Variants in WNT5A observed in about 807,000 individuals in gnomAD.
WNT5A encodes Wnt family member 5A.
A neutral mutation model predicts 42.1 loss-of-function variants in WNT5A; 9 were observed. The observed-to-expected ratio is 0.21, with a 90% CI of 0.13 to 0.37. The LOEUF (loss-of-function observed/expected upper bound fraction) is 0.37. WNT5A is among the 10% of genes least tolerant of loss of function. WNT5A has a pLI of 1.00. For synonymous variants in WNT5A, 210 were observed against 210.0 expected (o/e 1.00, Z 0.00); for missense variants, 426 against 534.0 (o/e 0.80, Z 1.99).
At chr3:55,494,836 C>T (rs2051699073), upstream of WNT5A, among the ~76,000 whole-genome samples, 2 of 152,160 alleles carry the variant, frequency 1.3e-5, no homozygotes, top group East Asian at 1.9e-4. Flanking sequence ...GGCACCAGAC[C>T]GCCATTACTT....
In WNT5A at chr3:55,483,783, C is replaced by T. The variant is rs2051514897; in HGVS notation, c.7-2865G>A. On this transcript the variant is annotated intron_variant, in intron 1 of 4. Coordinates refer to ENST00000264634, the MANE Select transcript of WNT5A (RefSeq NM_003392.7). This position sits in a 1 kb window ranked among gnomAD's most constrained non-coding sequence, Gnocchi z 4.2. ...TATGTATCCCTCAAAGCCTTCGCGT[C>T]GGATTAAAGGTGTTCTTGATCCTTC... Among the ~76,000 whole-genome samples the T allele has an allele frequency of 6.6e-6, 1 of 152,124 alleles. No individual in the cohort carries two copies. The highest frequency in any genetic ancestry group is 6.5e-5 in the Admixed American group (1 of 15,278).
At chr3:55,485,749 A>T (rs1387521006) in intron 1 of WNT5A, among the ~76,000 whole-genome samples, 1 of 152,080 alleles carries the variant, frequency 6.6e-6, no homozygotes, top group Non-Finnish European at 1.5e-5. Flanking sequence ...ATTTAAAGAG[A>T]GAAGAGAGAA....
chr3:55,494,700 G>A (rs1460605564), upstream of WNT5A, among the ~76,000 whole-genome samples: 1 of 152,112 alleles, frequency 6.6e-6, no homozygotes, highest in Non-Finnish European at 1.5e-5. Flanking sequence ...CACCACGCCT[G>A]GCTAATTTTT....
rs772529559 is a variant in WNT5A, at chr3:55,479,570, A to AG, written c.141-7dup. ...GGTTATTCATACCTAGCGACCTGCA[A>AG]GGGGGGGAGATGTGCATTCAAGATT... On this transcript the variant is annotated splice_region_variant and splice_polypyrimidine_tract_variant and intron_variant, in intron 2 of 4. Coordinates refer to ENST00000264634, the MANE Select transcript of WNT5A (RefSeq NM_003392.7). 7.6e-6 allele frequency: 12 copies of AG among 1,574,870 alleles called. No homozygotes were observed. Among genetic ancestry groups the AG allele is most frequent in the South Asian group, 4.7e-5 (4 of 85,148 alleles).
At chr3:55,490,031 T>A (rs2051641821), upstream of WNT5A, 1 of 152,268 alleles carries the variant, frequency 6.6e-6, no homozygotes, top group Non-Finnish European at 1.5e-5. Context: ...GGGACCCACC[T>A]TACGTGCAGC....
At chr3:55,477,143 G>GCACA (rs372924729) in intron 3 of WNT5A, among the ~76,000 whole-genome samples, 14 of 151,550 alleles carry the variant, frequency 9.2e-5, no homozygotes, top group Non-Finnish European at 2.1e-4. Context: ...TTTGGGGTGG[G>GCACA]CACACACACA....
chr3:55,475,885 C>A (rs186511769), intron 3 of WNT5A, among the ~76,000 whole-genome samples: 23 of 152,116 alleles, frequency 1.5e-4, no homozygotes, highest in African/African-American at 4.8e-4. Context: ...GTACTGTAAT[C>A]TGAGAGAGAA....
chr3:55,488,498 G>A (rs534914093), upstream of WNT5A, among the ~76,000 whole-genome samples: 2 of 119,544 alleles, frequency 1.7e-5, no homozygotes, highest in African/African-American at 3.9e-5. Context: ...GAGAGGGAAG[G>A]GGGGGGAAGA....
intron 4 of WNT5A, among the ~76,000 whole-genome samples, chr3:55,472,383 C>T (rs2051268696): frequency 6.6e-6 from 1 of 152,206 alleles, no homozygotes; most frequent in Non-Finnish European, 1.5e-5. Context: ...GGGCATACCC[C>T]TGGATAGGGG....
the WNT5A span, among the ~76,000 whole-genome samples, chr3:55,500,388 G>C: frequency 6.6e-6 from 1 of 152,202 alleles, no homozygotes; most frequent in African/African-American, 2.4e-5. Context: ...GAATACCCAG[G>C]TTAAGCACAA....
intron 4 of WNT5A, among the ~76,000 whole-genome samples, chr3:55,473,311 C>T (rs2051286085): frequency 6.6e-6 from 1 of 152,178 alleles, no homozygotes; most frequent in Non-Finnish European, 1.5e-5. Flanking sequence ...CCCCAAAATA[C>T]AGAAGAGTGA....
upstream of WNT5A, among the ~76,000 whole-genome samples, chr3:55,488,484 AAG>A (rs915958463): frequency 6.8e-6 from 1 of 147,672 alleles, no homozygotes; most frequent in Admixed American, 6.7e-5. Context: ...GGCGGCTGGA[AAG>A]AGAGAGGGAA....
rs1331071115 is a variant in WNT5A, at chr3:55,479,301, A to C, written c.391+13T>G. On this transcript the variant is annotated intron_variant, in intron 3 of 4. Transcript: ENST00000264634. ...GTTAATGTTTTAAAAAAATATTTTA[A>C]ATGTTTTCCTACCTATCTGCATCAC... is the stretch of plus-strand genomic sequence containing the variant. 7 of 1,486,884 alleles carry C rather than the reference A, an allele frequency of 4.7e-6. No homozygotes were observed. Among genetic ancestry groups the C allele is most frequent in the Non-Finnish European group, 6.3e-6 (7 of 1,115,208 alleles). The allele number at this position is 1,486,884 out of a possible 1,614,324, so 92.1% of individuals were successfully genotyped here.
At position 55,467,202 on chromosome 3, in the gene WNT5A, T is replaced by G. The variant is rs1390415485; in HGVS notation, c.*2890A>C. On this transcript the variant is annotated 3_prime_UTR_variant, in exon 5 of 5. Transcript: ENST00000264634. The stretch of plus-strand genomic sequence containing the variant: ...AGTGGTAAACACACAAAAAAATACA[T>G]TTTTTTGGACTAAAAATCTGGTCAC... 1 of 152,390 alleles carries G rather than the reference T, an allele frequency of 6.6e-6. No homozygotes were observed. The highest frequency in any genetic ancestry group is 6.6e-5 in the Admixed American group (1 of 15,258). 9.4% of individuals were successfully genotyped at this position (152,390 alleles called of 1,614,324 possible).
upstream of WNT5A, among the ~76,000 whole-genome samples, chr3:55,494,601 C>T (rs1435901414): frequency 6.6e-6 from 1 of 152,022 alleles, no homozygotes; most frequent in Non-Finnish European, 1.5e-5. Flanking sequence ...TGCAGTGGTG[C>T]GATCTTAGCT....
chr3:55,481,293 A>C, intron 1 of WNT5A: 8 of 992,982 alleles, frequency 8.1e-6, no homozygotes, highest in Non-Finnish European at 9.6e-6. Flanking sequence ...TAATTCACTC[A>C]GGAACCCGCT....
chr3:55,484,749 A>C (rs1320964608), intron 1 of WNT5A, among the ~76,000 whole-genome samples: 3 of 150,908 alleles, frequency 2.0e-5, no homozygotes, highest in Non-Finnish European at 4.4e-5. Flanking sequence ...ACACCTTCTC[A>C]CATAGGATGT....
rs2051166494 is a variant in WNT5A at position 55,467,567 on chromosome 3, T to C, written c.*2525A>G. 6.6e-6 allele frequency: 1 copy of C among 152,606 alleles called. No homozygotes were observed. Among genetic ancestry groups the C allele is most frequent in the Non-Finnish European group, 1.5e-5 (1 of 68,022 alleles). The allele number at this position is 152,606 out of a possible 1,614,324, so 9.5% of individuals were successfully genotyped here. Reference sequence around the variant, plus strand: ...TCCACATGAATTATCTGAAGGACAATTGAAACCACTTACCAATATACAAGT... The same window carrying C: ...TCCACATGAATTATCTGAAGGACAACTGAAACCACTTACCAATATACAAGT... On this transcript the variant is annotated 3_prime_UTR_variant, in exon 5 of 5. Coordinates refer to ENST00000264634, the MANE Select transcript of WNT5A (RefSeq NM_003392.7).
the WNT5A span, among the ~76,000 whole-genome samples, chr3:55,502,110 T>C: frequency 6.6e-6 from 1 of 152,212 alleles, no homozygotes; most frequent in East Asian, 1.9e-4. Flanking sequence ...TCAGTTTCTT[T>C]GAGCAGCCAA....
Sources: gnomAD v4.1 joint callset for allele counts (sites outside exome capture counted in the v4.1 genomes callset) on GRCh38, gnomAD v4.1.1 for gene constraint, Gnocchi (gnomAD v3.1) non-coding constraint, MANE v1.5 for transcripts, NCBI Gene and HGNC (gene_info 2026-07-23, HGNC 2026-07-21) for gene names.